The following PATJ variants were observed in gnomAD, a reference collection of about 807,000 sequenced individuals.
The protein encoded by PATJ is inaD-like protein.
A neutral mutation model predicts 224.9 loss-of-function variants in PATJ; 190 were observed. The observed-to-expected ratio is 0.84, with a 90% CI of 0.75 to 0.95. The LOEUF (loss-of-function observed/expected upper bound fraction) is 0.95, where lower values mean the gene tolerates loss of function less well. Among genes scored for constraint, PATJ ranks in the 40% least tolerant of loss-of-function variants. The pLI, the probability that PATJ is intolerant of heterozygous loss-of-function variation, is 0.00. For missense variants in PATJ, 2,121 were observed against 2,270.3 expected (o/e 0.93, Z 1.34); for synonymous variants, 769 against 820.3 (o/e 0.94, Z 1.07).
Position 61,793,585 on chromosome 1 carries a change from A to T in PATJ, c.1169-1882A>T, listed in dbSNP as rs912013858. On this transcript the variant is annotated intron_variant, in intron 9 of 43. Transcript: ENST00000642238. ...GTGAAACACTGTCTCTACAAAAAAT[A>T]AAAAAAAATTGTAGCCGCAGCTACT... Among the ~76,000 whole-genome samples the T allele has an allele frequency of 3.3e-5, 5 of 151,390 alleles. No individual in the cohort carries two copies. In the South Asian group the frequency reaches 1.0e-3, roughly 32 times the overall value.
chr1:61,802,083 C>G (rs1652648936), intron 12 of PATJ, among the ~76,000 whole-genome samples: 1 of 152,062 alleles, frequency 6.6e-6, no homozygotes, highest in Admixed American at 6.6e-5. Flanking sequence ...TTCTCCCTCA[C>G]CACTCCTCCC....
At chr1:62,024,446 G>A (rs557913835) in intron 29 of PATJ, among the ~76,000 whole-genome samples, 4 of 151,820 alleles carry the variant, frequency 2.6e-5, no homozygotes, top group African/African-American at 7.3e-5. Flanking sequence ...TCTTTGCTAC[G>A]TCCATTCCTT....
At chr1:62,154,108 C>T (rs1015549660) in intron 43 of PATJ, among the ~76,000 whole-genome samples, 3 of 152,040 alleles carry the variant, frequency 2.0e-5, no homozygotes, top group African/African-American at 7.2e-5. Flanking sequence ...GTTGCCCAGG[C>T]TGGTCTCAAA....
intron 14 of PATJ, among the ~76,000 whole-genome samples, chr1:61,821,047 T>TC (rs1264020137): frequency 6.6e-6 from 1 of 151,652 alleles, no homozygotes; most frequent in African/African-American, 2.4e-5. Flanking sequence ...AACTATCTTT[T>TC]TTTTTTTTTT....
chr1:62,055,720 G>A (rs952198571), intron 31 of PATJ, among the ~76,000 whole-genome samples: 1 of 152,190 alleles, frequency 6.6e-6, no homozygotes, highest in Non-Finnish European at 1.5e-5. Context: ...AAAAATTGAA[G>A]TGACTTTTTC....
At chr1:61,967,496 A>G (rs1378474020) in intron 27 of PATJ, among the ~76,000 whole-genome samples, 2 of 152,238 alleles carry the variant, frequency 1.3e-5, no homozygotes, top group Non-Finnish European at 2.9e-5. Flanking sequence ...GTACAGTTTC[A>G]TCTTACCTTT....
intron 7 of PATJ, among the ~76,000 whole-genome samples, chr1:61,778,841 C>T (rs1047625497): frequency 6.6e-6 from 1 of 152,028 alleles, no homozygotes; most frequent in Admixed American, 6.6e-5. Context: ...GCTGGGACTA[C>T]AGGCATGTGC....
At chr1:61,879,479 C>T (rs970408443) in intron 21 of PATJ, among the ~76,000 whole-genome samples, 1 of 152,116 alleles carries the variant, frequency 6.6e-6, no homozygotes, top group African/African-American at 2.4e-5. Flanking sequence ...TGTTTGGACC[C>T]AAAACCTAAC....
At chr1:62,024,887 T>C (rs1324971779) in intron 29 of PATJ, among the ~76,000 whole-genome samples, 1 of 152,068 alleles carries the variant, frequency 6.6e-6, no homozygotes, top group African/African-American at 2.4e-5. Flanking sequence ...TTGATACGAA[T>C]GGTGTTTATT....
chr1:62,006,448 A>G (rs543428891), intron 28 of PATJ, among the ~76,000 whole-genome samples: 1 of 152,372 alleles, frequency 6.6e-6, no homozygotes, highest in African/African-American at 2.4e-5. Flanking sequence ...TAGTTGAACT[A>G]TAAAAAATTA....
chr1:61,821,073 C>A (rs1453199399), intron 14 of PATJ, among the ~76,000 whole-genome samples: 1 of 150,844 alleles, frequency 6.6e-6, no homozygotes, highest in African/African-American at 2.4e-5. Context: ...CTGAGTCTCG[C>A]TCTGTCGCCC....
At chr1:61,918,326 T>TG (rs1553203738) in intron 26 of PATJ, among the ~76,000 whole-genome samples, 2 of 147,388 alleles carry the variant, frequency 1.4e-5, no homozygotes, top group African/African-American at 5.0e-5. Context: ...TTTTTTTTTT[T>TG]GGAGACAGTC....
intron 29 of PATJ, among the ~76,000 whole-genome samples, chr1:62,022,525 A>G (rs1003759520): frequency 2.6e-5 from 4 of 152,188 alleles, no homozygotes; most frequent in African/African-American, 7.2e-5. Context: ...ATGTGAGCAC[A>G]CCAATTTAAG....
rs141005824 is a variant in PATJ, at chr1:61,768,472, A to AAAAT, written c.385-789_385-786dup. ...GCGACAGAGTGAGACTCCGTCTCAAAAAATAAATAAATAAATAAATAAATA... is the reference window on the plus strand; with the variant it reads ...GCGACAGAGTGAGACTCCGTCTCAAAAAATAAATAAATAAATAAATAAATAAATA... On this transcript the variant is annotated intron_variant, in intron 4 of 43. Coordinates refer to ENST00000642238, the MANE Select transcript of PATJ (RefSeq NM_001350145.3). Among the ~76,000 whole-genome samples, 282 of 149,416 alleles carry AAAAT rather than the reference A, an allele frequency of 1.9e-3. 1 individual carries two copies. The highest frequency in any genetic ancestry group is 5.5e-3 in the African/African-American group (223 of 40,624).
At chr1:62,083,929 C>A (rs1659608168) in intron 32 of PATJ, among the ~76,000 whole-genome samples, 1 of 152,078 alleles carries the variant, frequency 6.6e-6, no homozygotes, top group Non-Finnish European at 1.5e-5. Flanking sequence ...TGTAATTTTT[C>A]CATACAGATT....
chr1:62,124,489 C>G (rs889944290), intron 39 of PATJ, among the ~76,000 whole-genome samples: 8 of 152,220 alleles, frequency 5.3e-5, no homozygotes, highest in African/African-American at 1.9e-4. Flanking sequence ...TGATATCCAG[C>G]ATAACTTACT....
chr1:62,084,603 T>C lies in PATJ; in HGVS notation c.4332T>C (p.Arg1444=). The change falls in exon 33 of 44, where the codon CGT becomes CGC. Residue 1444 remains arginine (R), a synonymous_variant. Coordinates refer to ENST00000642238, the MANE Select transcript of PATJ (RefSeq NM_001350145.3). ...TGATTATAGAAATATCCAAGGGACGTTCAGGGCTTGGTCTCAGCATTGTGG... is the reference window on the plus strand; with the variant it reads ...TGATTATAGAAATATCCAAGGGACGCTCAGGGCTTGGTCTCAGCATTGTGG... ...QEMIIEISKG[R]SGLGLSIVGG... 1 of 1,613,442 alleles carries C rather than the reference T, an allele frequency of 6.2e-7. No homozygotes were observed. The highest frequency in any genetic ancestry group is 8.5e-7 in the Non-Finnish European group (1 of 1,179,740).
At chr1:61,854,150 A>G (rs1663269603) in intron 17 of PATJ, among the ~76,000 whole-genome samples, 1 of 152,218 alleles carries the variant, frequency 6.6e-6, no homozygotes, top group South Asian at 2.1e-4. Context: ...TCAAACAGAC[A>G]TAGCCGGGAA....
chr1:62,084,186 G>A (rs1402920246), intron 32 of PATJ, among the ~76,000 whole-genome samples: 1 of 152,132 alleles, frequency 6.6e-6, no homozygotes, highest in Non-Finnish European at 1.5e-5. Context: ...CCCAGGAGGT[G>A]GAGGTTGCAG....
Sources: gnomAD v4.1 joint callset for allele counts (sites outside exome capture counted in the v4.1 genomes callset) on GRCh38, gnomAD v4.1.1 for gene constraint, MANE v1.5 for transcripts, NCBI Gene and HGNC (gene_info 2026-07-23, HGNC 2026-07-21) for gene names.